The following CNGA1 variants were observed in gnomAD, a reference collection of about 807,000 sequenced individuals.
CNGA1 encodes cyclic nucleotide gated channel subunit alpha 1.
CNGA1 carries 53 observed loss-of-function variants against 69.7 expected under a neutral mutation model. That is an observed-to-expected ratio of 0.76 (90% CI 0.61 to 0.96). The LOEUF (loss-of-function observed/expected upper bound fraction) is 0.96, where lower values mean the gene tolerates loss of function less well. CNGA1 is among the 40% of genes least tolerant of loss of function. The pLI, the probability that CNGA1 is intolerant of heterozygous loss-of-function variation, is 0.00. For synonymous variants in CNGA1, 249 were observed against 283.5 expected, an observed-to-expected ratio of 0.88 and a Z score of 1.22; for missense variants, 739 against 811.2, an observed-to-expected ratio of 0.91 and a Z score of 1.08.
intron 3 of CNGA1, among the ~76,000 whole-genome samples, chr4:47,955,926 C>T (rs1416227522): frequency 1.3e-5 from 2 of 152,204 alleles, no homozygotes; most frequent in Non-Finnish European, 2.9e-5. Flanking sequence ...ACTCATGAGA[C>T]ATTTCATTAG....
chr4:48,009,031 C>T (rs1381973578), intron 2 of CNGA1, among the ~76,000 whole-genome samples: 1 of 152,056 alleles, frequency 6.6e-6, no homozygotes, highest in African/African-American at 2.4e-5. Flanking sequence ...AACCCCTATG[C>T]CAAATTTTGA....
In CNGA1 at chr4:47,936,921, C is replaced by T. The variant is rs770180675; in HGVS notation, c.1561G>A (p.Ala521Thr). 9.3e-6 allele frequency: 15 copies of T among 1,613,946 alleles called. No individual in the cohort carries two copies. In the East Asian group the frequency reaches 2.5e-4, roughly 26 times the overall value. Residue 521 changes from alanine to threonine, a missense_variant, in exon 11 of 11, where the codon GCT becomes ACT. By Grantham distance (58) the Ala-to-Thr change is moderately conservative. Coordinates refer to ENST00000514170, the MANE Select transcript of CNGA1 (RefSeq NM_001379270.1). ...GTGACTCCATCATCTGCCACCACAGCGAGTTTGCCTTCCTTGATAATGTAC... is the reference window on the plus strand; with the variant it reads ...GTGACTCCATCATCTGCCACCACAGTGAGTTTGCCTTCCTTGATAATGTAC... ...EMYIIKEGKL[A>T]VVADDGVTQF... is the part of the protein sequence containing the mutation.
chr4:47,994,689 G>T (rs1742408605), intron 2 of CNGA1, among the ~76,000 whole-genome samples: 1 of 152,064 alleles, frequency 6.6e-6, no homozygotes. Flanking sequence ...ATTGAGATGT[G>T]AGGTGCCATT....
At chr4:47,955,344 G>A (rs1171314266) in intron 3 of CNGA1, among the ~76,000 whole-genome samples, 9 of 151,688 alleles carry the variant, frequency 5.9e-5, no homozygotes, top group African/African-American at 1.7e-4. Flanking sequence ...CACCACGCCT[G>A]GCTAATTTTT....
chr4:47,939,851 C>T (rs1421423800), intron 10 of CNGA1, among the ~76,000 whole-genome samples: 1 of 152,190 alleles, frequency 6.6e-6, no homozygotes, highest in Non-Finnish European at 1.5e-5. Context: ...TAGCAATGTG[C>T]CTAATAGCCC....
chr4:47,960,293 A>G (rs1036249976), intron 3 of CNGA1, among the ~76,000 whole-genome samples: 2 of 152,216 alleles, frequency 1.3e-5, no homozygotes, highest in Admixed American at 1.3e-4. Flanking sequence ...GTGGGACAAA[A>G]GATTGTACAA....
At chr4:47,986,993 T>A (rs954817653) in intron 2 of CNGA1, among the ~76,000 whole-genome samples, 8 of 152,130 alleles carry the variant, frequency 5.3e-5, no homozygotes, top group Non-Finnish European at 1.2e-4. Flanking sequence ...TGTTGTGTTG[T>A]GTTGTGTTGA....
chr4:47,954,891 A>G (rs993689206), intron 3 of CNGA1, among the ~76,000 whole-genome samples: 2 of 152,298 alleles, frequency 1.3e-5, no homozygotes, highest in Admixed American at 6.5e-5. Flanking sequence ...ATTTGGATCC[A>G]AAGACTCCAT....
intron 3 of CNGA1, among the ~76,000 whole-genome samples, chr4:47,963,074 C>T (rs1578090435): frequency 6.6e-6 from 1 of 152,204 alleles, no homozygotes; most frequent in African/African-American, 2.4e-5. Flanking sequence ...CCTCCCGCCT[C>T]AACCTTCTGG....
chr4:47,985,654 ACTCT>A (rs922821877), intron 2 of CNGA1, among the ~76,000 whole-genome samples: 3 of 151,812 alleles, frequency 2.0e-5, no homozygotes, highest in African/African-American at 2.4e-5. Flanking sequence ...ATACACACAC[ACTCT>A]CTCTCTCCAT....
chr4:48,005,747 G>T (rs1416340397), intron 2 of CNGA1, among the ~76,000 whole-genome samples: 1 of 152,184 alleles, frequency 6.6e-6, no homozygotes, highest in Non-Finnish European at 1.5e-5. Flanking sequence ...GGCTTGTATT[G>T]ATTCCATAAG....
intron 4 of CNGA1, among the ~76,000 whole-genome samples, chr4:47,952,355 G>A (rs2110159924): frequency 6.7e-6 from 1 of 150,046 alleles, no homozygotes; most frequent in South Asian, 2.1e-4. Flanking sequence ...GCAACAGAGT[G>A]AGACTCCATC....
intron 3 of CNGA1, among the ~76,000 whole-genome samples, chr4:47,966,318 A>C (rs1466920399): frequency 6.6e-6 from 1 of 152,238 alleles, no homozygotes; most frequent in African/African-American, 2.4e-5. Flanking sequence ...TGTGAACAGA[A>C]TAATAATGCC....
intron 6 of CNGA1, among the ~76,000 whole-genome samples, chr4:47,945,947 A>C (rs1739370557): frequency 6.6e-6 from 1 of 151,804 alleles, no homozygotes; most frequent in South Asian, 2.1e-4. Flanking sequence ...TCCAGTTCCT[A>C]AATGTATAAG....
intron 2 of CNGA1, among the ~76,000 whole-genome samples, chr4:47,992,413 G>T (rs545324733): frequency 2.0e-5 from 3 of 149,904 alleles, no homozygotes; most frequent in Admixed American, 1.3e-4. Flanking sequence ...AAGTATTTTG[G>T]TTTTTTTGCA....
Position 47,937,391 on chromosome 4 carries a change from G to T in CNGA1, c.1091C>A (p.Pro364His). ...GACATACTCAGAATCCCTCACGGGAGGGGGTGTTTCACCAATGGTAGTCAA... is the reference window on the plus strand; with the variant it reads ...GACATACTCAGAATCCCTCACGGGATGGGGTGTTTCACCAATGGTAGTCAA... ...LTLTTIGETPPPVRDSEYVFV... is the reference protein window; with the variant it reads ...LTLTTIGETPHPVRDSEYVFV... Residue 364 changes from proline (P) to histidine (H), a missense_variant, in exon 11 of 11, where the codon CCT (proline) becomes CAT (histidine). By Grantham distance (77) the Pro-to-His change is moderately conservative. Coordinates refer to ENST00000514170, the MANE Select transcript of CNGA1 (RefSeq NM_001379270.1). The T allele has an allele frequency of 6.2e-7, 1 of 1,614,136 alleles. No homozygotes were observed. Among genetic ancestry groups the T allele is most frequent in the Non-Finnish European group, 8.5e-7 (1 of 1,180,012 alleles).
chr4:47,968,979 G>C (rs1740873104), intron 3 of CNGA1, among the ~76,000 whole-genome samples: 1 of 152,114 alleles, frequency 6.6e-6, no homozygotes, highest in South Asian at 2.1e-4. Context: ...CATCAAAATA[G>C]AGGTTCATTC....
intron 2 of CNGA1, among the ~76,000 whole-genome samples, chr4:47,996,453 T>C (rs1325250477): frequency 6.6e-6 from 1 of 152,208 alleles, no homozygotes; most frequent in African/African-American, 2.4e-5. Context: ...CTGAACCTTG[T>C]TGTTGCCATT....
intron 2 of CNGA1, among the ~76,000 whole-genome samples, chr4:47,994,327 A>T (rs1391385126): frequency 3.9e-5 from 6 of 152,064 alleles, no homozygotes; most frequent in Non-Finnish European, 7.4e-5. Context: ...TCTTAAGTCT[A>T]TTAGTAATTG....
Sources: allele counts gnomAD v4.1 joint callset (sites outside exome capture counted in the v4.1 genomes callset), GRCh38; gene constraint gnomAD v4.1.1; transcripts MANE v1.5; gene names NCBI Gene and HGNC (gene_info 2026-07-23, HGNC 2026-07-21).